CTNND1: variants seen among roughly 807,000 people sequenced by gnomAD.
The protein encoded by CTNND1 is catenin delta-1.
Under a neutral mutation model 112.1 loss-of-function variants are expected in CTNND1, and 16 were observed. The ratio of observed to expected loss-of-function variants is 0.14; its 90% CI spans 0.10 to 0.22. The LOEUF is 0.22. CTNND1 is among the 10% of genes least tolerant of loss of function. The pLI, the probability that CTNND1 is intolerant of heterozygous loss-of-function variation, is 1.00. For missense variants in CTNND1, 1,008 were observed against 1,257.0 expected (o/e 0.80, Z 3.00); for synonymous variants, 420 against 446.5 (o/e 0.94, Z 0.75).
rs1465889963 is a variant in CTNND1, at chr11:57,762,076, C to G, written c.-257C>G. On this transcript the variant is annotated 5_prime_UTR_variant, in exon 1 of 21. An upstream open reading frame in the 5' UTR gains an earlier in-frame stop. Coordinates refer to ENST00000399050, the MANE Select transcript of CTNND1 (RefSeq NM_001085458.2). ...GTGGCTTTTGAAGAAAATGTATGTA[C>G]TGACGGGAAAAGGAGGATAAGCAAG... 5 of 985,290 alleles carry G rather than the reference C, an allele frequency of 5.1e-6. No individual in the cohort carries two copies. The highest frequency in any genetic ancestry group is 6.0e-6 in the Non-Finnish European group (5 of 829,932). The allele number at this position is 985,290 out of a possible 1,614,324, so 61.0% of individuals were successfully genotyped here.
chr11:57,810,967 G>T (rs1419163768), intron 16 of CTNND1, among the ~76,000 whole-genome samples: 1 of 141,348 alleles, frequency 7.1e-6, no homozygotes, highest in African/African-American at 2.6e-5. Context: ...AAAAAAAAAA[G>T]AAAAAAAAAA....
At chr11:57,789,233 A>G in intron 2 of CTNND1, 78 bp downstream of exon 2, 1 of 1,046,220 alleles carries the variant, frequency 9.6e-7, no homozygotes, top group Non-Finnish European at 1.3e-6. Flanking sequence ...CTTTCATGTC[A>G]TAGCAGAAAA....
intron 15 of CTNND1, among the ~76,000 whole-genome samples, 169 bp downstream of exon 15, chr11:57,809,635 A>C (rs578261749): frequency 6.6e-6 from 1 of 152,240 alleles, no homozygotes. Context: ...TAATAGATTC[A>C]TGTCAAACTT....
At position 57,815,982 on chromosome 11, in the gene CTNND1, A is replaced by G. The variant is rs1172054316; in HGVS notation, c.2876A>G (p.Gln959Arg). Residue 959 changes from glutamine to arginine, a missense_variant, in exon 20 of 21, where the codon CAA becomes CGA. By Grantham distance (43) the Gln-to-Arg change is conservative (BLOSUM62 1). This residue lies in a region of CTNND1 where 106 missense variants were observed against 116.2 expected (regional missense o/e 0.91). Coordinates refer to ENST00000399050, the MANE Select transcript of CTNND1 (RefSeq NM_001085458.2). ...TTGGTTTTGGATGATGAGGGGGGCC[A>G]AGTGTCTTACCCCTCCATGGTATGT... ...DVLVLDDEGGQVSYPSMQKI is the reference protein window; with the variant it reads ...DVLVLDDEGGRVSYPSMQKI The G allele has an allele frequency of 5.6e-6, 9 of 1,595,028 alleles. No homozygotes were observed. The highest frequency in any genetic ancestry group is 7.7e-6 in the Non-Finnish European group (9 of 1,174,792).
chr11:57,770,306 G>A (rs1258297325), intron 1 of CTNND1, among the ~76,000 whole-genome samples: 1 of 151,386 alleles, frequency 6.6e-6, no homozygotes, highest in Non-Finnish European at 1.5e-5. Context: ...CTCCAGCCTG[G>A]GCAACAGAGT....
Position 57,816,450 on chromosome 11 carries a change from CCTT to C in CTNND1, c.*146_*148del. On this transcript the variant is annotated 3_prime_UTR_variant, in exon 21 of 21. Coordinates refer to ENST00000399050, the MANE Select transcript of CTNND1 (RefSeq NM_001085458.2). ...CTGCCCTTACAGCCCTAAGTGGCTG[CCTT>C]CTTTCCATCAACTCCCAACTTCTTC... The C allele has an allele frequency of 1.0e-6, 1 of 998,210 alleles. No individual in the cohort carries two copies. Among genetic ancestry groups the C allele is most frequent in the South Asian group, 1.4e-5 (1 of 71,770 alleles). The allele number at this position is 998,210 out of a possible 1,614,324, so 61.8% of individuals were successfully genotyped here. A position where few individuals can be genotyped will look rare whatever the true frequency, so the allele number is the denominator to read the frequency against.
intron 20 of CTNND1, 61 bp from the exon 21 acceptor site, chr11:57,816,236 G>C (rs1012670018): frequency 7.6e-6 from 12 of 1,578,232 alleles, no homozygotes; most frequent in Admixed American, 1.7e-5. Context: ...CAACTTTTTT[G>C]GGGGGGGTCT....
In CTNND1 at chr11:57,818,875, A is replaced by G. The variant is rs1189801171; in HGVS notation, c.*2567A>G. 6.6e-5 allele frequency: 10 copies of G among 152,214 alleles called. No individual in the cohort carries two copies. Among genetic ancestry groups the G allele is most frequent in the Non-Finnish European group, 1.3e-4 (9 of 68,044 alleles). 9.4% of individuals were successfully genotyped at this position (152,214 alleles called of 1,614,324 possible). On this transcript the variant is annotated 3_prime_UTR_variant, in exon 21 of 21. Transcript: ENST00000399050. ...TACCAATCCCAACTACGTAATAGGAAAATGTAGGATCAAAAGGCCCATGTA... is the reference window on the plus strand; with the variant it reads ...TACCAATCCCAACTACGTAATAGGAGAATGTAGGATCAAAAGGCCCATGTA...
At position 57,818,375 on chromosome 11, in the gene CTNND1, TTTTC is replaced by T. The variant is rs145936146; in HGVS notation, c.*2073_*2076del. 2.2e-5 allele frequency: 3 copies of T among 139,108 alleles called. No homozygotes were observed. Among genetic ancestry groups the T allele is most frequent in the African/African-American group, 7.0e-5 (2 of 28,636 alleles). 8.6% of individuals were successfully genotyped at this position (139,108 alleles called of 1,614,324 possible). A position where few individuals can be genotyped will look rare whatever the true frequency, so the allele number is the denominator to read the frequency against. Reference sequence around the variant, plus strand: ...TGTGTTCTGCTCCATACCTTTTCTCTTTTCTTTCTGTCTTGTTAATGCTTTTAAA... The same window carrying T: ...TGTGTTCTGCTCCATACCTTTTCTCTTTTCTGTCTTGTTAATGCTTTTAAA... On this transcript the variant is annotated 3_prime_UTR_variant, in exon 21 of 21. Coordinates refer to ENST00000399050, the MANE Select transcript of CTNND1 (RefSeq NM_001085458.2).
At chr11:57,768,645 G>A (rs1324174202) in intron 1 of CTNND1, among the ~76,000 whole-genome samples, 4 of 151,774 alleles carry the variant, frequency 2.6e-5, no homozygotes, top group South Asian at 2.1e-4. Flanking sequence ...CGCCCACCTC[G>A]ACCTCCCAAA....
At chr11:57,790,202 TG>T (rs748269297) in intron 2 of CTNND1, among the ~76,000 whole-genome samples, 5 of 151,966 alleles carry the variant, frequency 3.3e-5, no homozygotes, top group Non-Finnish European at 5.9e-5. Flanking sequence ...ATGCCTCGGC[TG>T]GGATTACAGG....
At chr11:57,777,487 C>G (rs1954597758) in intron 1 of CTNND1, among the ~76,000 whole-genome samples, 1 of 152,144 alleles carries the variant, frequency 6.6e-6, no homozygotes, top group Non-Finnish European at 1.5e-5. Context: ...CCAGCCTGGT[C>G]TCGAACTCCT....
intron 1 of CTNND1, among the ~76,000 whole-genome samples, chr11:57,765,701 C>A (rs1950892082): frequency 6.6e-6 from 1 of 152,066 alleles, no homozygotes; most frequent in South Asian, 2.1e-4. Context: ...CACCTGGGCT[C>A]AAGCCATCCT....
In CTNND1 at chr11:57,800,488, G is replaced by A. The variant is rs1158682309; in HGVS notation, c.957-1245G>A. Among the ~76,000 whole-genome samples, 10 of 152,010 alleles carry A rather than the reference G, an allele frequency of 6.6e-5. No homozygotes were observed. The South Asian group carries it at 1.0e-3, about 16-fold the overall frequency. Reference sequence around the variant, plus strand: ...TTTCCATGTTGGCCATGCTGGTCTCGAACTTCTGACCTCAGGTAATCCGCC... The same window carrying A: ...TTTCCATGTTGGCCATGCTGGTCTCAAACTTCTGACCTCAGGTAATCCGCC... On this transcript the variant is annotated intron_variant, in intron 6 of 20. Coordinates refer to ENST00000399050, the MANE Select transcript of CTNND1 (RefSeq NM_001085458.2).
intron 1 of CTNND1, among the ~76,000 whole-genome samples, chr11:57,768,900 C>T (rs1380120238): frequency 6.6e-6 from 1 of 152,092 alleles, no homozygotes; most frequent in Non-Finnish European, 1.5e-5. Flanking sequence ...TAGGAATTTT[C>T]CTTCTCTTTT....
At chr11:57,778,085 C>A (rs922937699) in intron 1 of CTNND1, among the ~76,000 whole-genome samples, 1 of 152,126 alleles carries the variant, frequency 6.6e-6, no homozygotes, top group African/African-American at 2.4e-5. Context: ...GCTGTCTTGA[C>A]CTCTTTGCCG....
rs1332440847 is a variant in CTNND1, at chr11:57,788,959, C to G, written c.-213-78C>G. 18 of 1,010,040 alleles carry G rather than the reference C, an allele frequency of 1.8e-5. No individual in the cohort carries two copies. The highest frequency in any genetic ancestry group is 2.5e-5 in the Non-Finnish European group (17 of 668,444). 62.6% of individuals were successfully genotyped at this position (1,010,040 alleles called of 1,614,324 possible). A position where few individuals can be genotyped will look rare whatever the true frequency, so the allele number is the denominator to read the frequency against. On this transcript the variant is annotated intron_variant, in intron 1 of 20. Transcript: ENST00000399050. This position sits in a 1 kb window ranked among gnomAD's most constrained non-coding sequence, Gnocchi z 4.1. Reference sequence around the variant, plus strand: ...CTTCCTTTCATTCCTAATATTGCCCCTTGCTCTTCTTGTTTTTATGTATTG... The same window carrying G: ...CTTCCTTTCATTCCTAATATTGCCCGTTGCTCTTCTTGTTTTTATGTATTG...
At chr11:57,814,185 C>T (rs1033994984) in intron 17 of CTNND1, 126 bp from the exon 18 acceptor site, 29 of 680,426 alleles carry the variant, frequency 4.3e-5, no homozygotes, top group Non-Finnish European at 7.4e-5. Flanking sequence ...CATTGTGATG[C>T]ACATAGTTGG....
chr11:57,789,861 A>T (rs1030732316), intron 2 of CTNND1, among the ~76,000 whole-genome samples: 1 of 152,190 alleles, frequency 6.6e-6, no homozygotes, highest in Non-Finnish European at 1.5e-5. Flanking sequence ...TTAGGATATG[A>T]ACTACTGTGA....
Sources: allele counts gnomAD v4.1 joint callset (sites outside exome capture counted in the v4.1 genomes callset), GRCh38; gene constraint gnomAD v4.1.1; regional missense constraint gnomAD v4.1.1; non-coding constraint Gnocchi (gnomAD v3.1); transcripts MANE v1.5; gene names NCBI Gene and HGNC (gene_info 2026-07-23, HGNC 2026-07-21).